The following PLIN3 variants were observed in gnomAD, a reference collection of about 807,000 sequenced individuals.
The protein encoded by PLIN3 is perilipin-3.
PLIN3 carries 30 observed loss-of-function variants against 35.9 expected under a neutral mutation model. The observed-to-expected ratio is 0.84, with a 90% CI of 0.62 to 1.13. The LOEUF is 1.13. Among genes scored for constraint, PLIN3 ranks in the 50% most tolerant of loss-of-function variants. The pLI is 0.00. For missense variants in PLIN3, 603 were observed against 596.9 expected (o/e 1.01, Z -0.11); for synonymous variants, 261 against 262.5 (o/e 0.99, Z 0.06).
At chr19:4,841,309 A>T (rs2029887192) in intron 7 of PLIN3, among the ~76,000 whole-genome samples, 2 of 152,316 alleles carry the variant, frequency 1.3e-5, no homozygotes, top group Admixed American at 1.3e-4. Flanking sequence ...GACCCAGGCC[A>T]CAGCATGGGT....
chr19:4,859,652 C>A lies in PLIN3; in HGVS notation c.286G>T (p.Ala96Ser), dbSNP rs149231262. 3.1e-6 allele frequency: 5 copies of A among 1,614,026 alleles called. No homozygotes were observed. The highest frequency in any genetic ancestry group is 4.2e-6 in the Non-Finnish European group (5 of 1,180,016). ...TCCAACTTGTCCAGCCCCCTGTGGG[C>A]GTATTCGCTGGCTGATGCAACTGCC... ...EPQIASASEY[A>S]HRGLDKLEEN... Residue 96 changes from alanine to serine, a missense_variant, in exon 4 of 8, where the codon GCC becomes TCC. By Grantham distance (99) the Ala-to-Ser change is moderately conservative. Transcript: ENST00000221957.
chr19:4,842,763 G>A (rs543521283), intron 7 of PLIN3, among the ~76,000 whole-genome samples: 2 of 152,182 alleles, frequency 1.3e-5, no homozygotes, highest in East Asian at 1.9e-4. Flanking sequence ...TCTGGCTGCT[G>A]TGCTTAGCAG....
In PLIN3 at chr19:4,859,529, C is replaced by T. The variant is rs139500797; in HGVS notation, c.348+61G>A. The stretch of plus-strand genomic sequence containing the variant: ...GCTTGTCTAGTTAAGCTGGGACCAG[C>T]GCACTCCACACCCAGGTAGGTCCCT... On this transcript the variant is annotated intron_variant, in intron 4 of 7. Coordinates refer to ENST00000221957, the MANE Select transcript of PLIN3 (RefSeq NM_005817.5). 386 of 1,393,506 alleles carry T rather than the reference C, an allele frequency of 2.8e-4. 2 individuals carry two copies. The highest frequency in any genetic ancestry group is 2.5e-3 in the Middle Eastern group (13 of 5,120). 86.3% of individuals were successfully genotyped at this position (1,393,506 alleles called of 1,614,324 possible). A position where few individuals can be genotyped will look rare whatever the true frequency, so the allele number is the denominator to read the frequency against.
chr19:4,865,571 C>G (rs867536137), intron 1 of PLIN3, among the ~76,000 whole-genome samples: 1 of 152,072 alleles, frequency 6.6e-6, no homozygotes, highest in South Asian at 2.1e-4. Flanking sequence ...GCCTAAGAAC[C>G]TGTGGCCTTG....
rs745638249 is a variant in PLIN3 at position 4,852,140 on chromosome 19, G to A, written c.510C>T (p.Thr170=). 2.2e-5 allele frequency: 36 copies of A among 1,613,928 alleles called. No individual in the cohort carries two copies. The highest frequency in any genetic ancestry group is 1.8e-4 in the East Asian group (8 of 44,892). Reference sequence around the variant, plus strand: ...AGCCCATGACCGATTGGACGCCGCCGGTCACTACGGACTTTGTCTTGTCCA... The same window carrying A: ...AGCCCATGACCGATTGGACGCCGCCAGTCACTACGGACTTTGTCTTGTCCA... The part of the protein sequence containing the change: ...SGVDKTKSVV[T]GGVQSVMGSR... The change falls in exon 5 of 8, where the codon ACC becomes ACT. Residue 170 remains threonine, a synonymous_variant. Coordinates refer to ENST00000221957, the MANE Select transcript of PLIN3 (RefSeq NM_005817.5).
intron 6 of PLIN3, among the ~76,000 whole-genome samples, chr19:4,847,275 C>T (rs1355006972): frequency 6.6e-6 from 1 of 151,482 alleles, no homozygotes; most frequent in African/African-American, 2.4e-5. Flanking sequence ...CTGCAGCCTC[C>T]AACTCCTGGG....
At chr19:4,862,133 CTTTT>C (rs34562088) in intron 1 of PLIN3, among the ~76,000 whole-genome samples, 10 of 131,008 alleles carry the variant, frequency 7.6e-5, no homozygotes, top group Non-Finnish European at 1.6e-4. Flanking sequence ...GAGATGTTAT[CTTTT>C]TTTTTTTTTT....
chr19:4,862,516 G>A (rs1382330736), intron 1 of PLIN3, among the ~76,000 whole-genome samples: 1 of 152,026 alleles, frequency 6.6e-6, no homozygotes, highest in Non-Finnish European at 1.5e-5. Flanking sequence ...AAAGTTCTGG[G>A]ATTACAGGAG....
intron 5 of PLIN3, among the ~76,000 whole-genome samples, chr19:4,851,192 C>A (rs533711527): frequency 6.6e-6 from 1 of 152,078 alleles, no homozygotes; most frequent in Admixed American, 6.6e-5. Context: ...AAGGGCCGGG[C>A]ATGGTGGCTC....
At chr19:4,851,944 A>C in intron 5 of PLIN3, 72 bp downstream of exon 5, 1 of 1,483,440 alleles carries the variant, frequency 6.7e-7, no homozygotes, top group Non-Finnish European at 9.1e-7. Context: ...CACAGACCCC[A>C]GGAGGCCGAC....
chr19:4,849,608 C>T (rs998979843), intron 5 of PLIN3, among the ~76,000 whole-genome samples: 1 of 151,618 alleles, frequency 6.6e-6, no homozygotes, highest in Non-Finnish European at 1.5e-5. Context: ...ATCCCATGTT[C>T]GTAGGTTCAT....
intron 7 of PLIN3, 74 bp downstream of exon 7, chr19:4,844,594 A>G: frequency 7.0e-7 from 1 of 1,432,332 alleles, no homozygotes; most frequent in Non-Finnish European, 9.3e-7. Context: ...AGGTAGGCCC[A>G]TGAAGCAGAG....
chr19:4,842,278 A>C (rs2029915615), intron 7 of PLIN3, among the ~76,000 whole-genome samples: 1 of 151,848 alleles, frequency 6.6e-6, no homozygotes, highest in Non-Finnish European at 1.5e-5. Context: ...AATACAAAAA[A>C]ATTAGCTGGG....
chr19:4,853,417 G>A (rs535974846), intron 4 of PLIN3, among the ~76,000 whole-genome samples: 4 of 151,540 alleles, frequency 2.6e-5, no homozygotes, highest in Admixed American at 6.6e-5. Flanking sequence ...CCTCTGCCAC[G>A]TGGGTTCAGG....
In PLIN3 at chr19:4,847,697, T is replaced by C. The variant is rs1435440507; in HGVS notation, c.828A>G (p.Leu276=). ...CGACCCCCTGGAACCTCACCAGGCT[T>C]AGGACCTGCGACAGCTGCAGCAGAG... ...QEALLQLSQV[L]SLMETVKQGV... is the part of the protein sequence containing the mutation. The change falls in exon 6 of 8, where the codon CTA becomes CTG. Residue 276 remains leucine (L), a synonymous_variant. Coordinates refer to ENST00000221957, the MANE Select transcript of PLIN3 (RefSeq NM_005817.5). 2.5e-6 allele frequency: 4 copies of C among 1,598,328 alleles called. No individual in the cohort carries two copies. Among genetic ancestry groups the C allele is most frequent in the Admixed American group, 3.5e-5 (2 of 57,504 alleles).
intron 4 of PLIN3, among the ~76,000 whole-genome samples, chr19:4,855,175 A>G (rs991744404): frequency 2.7e-5 from 4 of 147,800 alleles, no homozygotes; most frequent in Non-Finnish European, 4.5e-5. Context: ...ACTTGAACCC[A>G]GGAGGCAGAG....
chr19:4,841,904 C>CAAAA (rs111932271), intron 7 of PLIN3, among the ~76,000 whole-genome samples: 2 of 38,672 alleles, frequency 5.2e-5, no homozygotes, highest in East Asian at 1.7e-3. Context: ...GACTCCATCT[C>CAAAA]AAAAAAAAAA....
intron 2 of PLIN3, 38 bp from the exon 3 acceptor site, chr19:4,860,062 G>GA (rs2030623592): frequency 6.3e-7 from 1 of 1,590,066 alleles, no homozygotes; most frequent in Non-Finnish European, 8.6e-7. Flanking sequence ...CTGGGTGGGG[G>GA]AAGATGGGGA....
rs571574795 is a variant in PLIN3 at position 4,848,042 on chromosome 19, G to C, written c.635-152C>G. ...TCTGTCGCCCAGGTTGGAGTGCAGTGGTGTCATCTCGGCTCACTGCAACCT... is the reference window on the plus strand; with the variant it reads ...TCTGTCGCCCAGGTTGGAGTGCAGTCGTGTCATCTCGGCTCACTGCAACCT... On this transcript the variant is annotated intron_variant, in intron 5 of 7. Coordinates refer to ENST00000221957, the MANE Select transcript of PLIN3 (RefSeq NM_005817.5). The C allele has an allele frequency of 1.5e-4, 98 of 658,102 alleles. No homozygotes were observed. In the Middle Eastern group the frequency reaches 1.6e-3, roughly 11 times the overall value. 40.8% of individuals were successfully genotyped at this position (658,102 alleles called of 1,614,324 possible).
Sources: gnomAD v4.1 joint callset for allele counts (sites outside exome capture counted in the v4.1 genomes callset) on GRCh38, gnomAD v4.1.1 for gene constraint, MANE v1.5 for transcripts, NCBI Gene and HGNC (gene_info 2026-07-23, HGNC 2026-07-21) for gene names.